Variants in DMD observed in about 807,000 individuals in gnomAD.
The protein encoded by DMD is mutant dystrophin.
A neutral mutation model predicts 330.1 loss-of-function variants in DMD; 63 were observed. That is an observed-to-expected ratio of 0.19 (90% CI 0.16 to 0.24). DMD has a LOEUF of 0.24. DMD is among the 10% of genes least tolerant of loss of function. DMD has a pLI of 1.00. For missense variants in DMD, 3,344 were observed against 2,684.1 expected, an observed-to-expected ratio of 1.25 and a Z score of -5.43; for synonymous variants, 1,223 against 959.8, an observed-to-expected ratio of 1.27 and a Z score of -5.07.
Position 32,464,693 on chromosome X carries a change from T to A in DMD, c.3169A>T (p.Ile1057Leu). The change falls in exon 24 of 79, where the codon ATA becomes TTA. Residue 1057 changes from isoleucine to leucine, a missense_variant. Coordinates refer to ENST00000357033, the MANE Select transcript of DMD (RefSeq NM_004006.3). ...MNKLRKIQNH[I>L]QTLKKWMAEV... is the part of the protein sequence containing the mutation. ...GCCATCCATTTCTTCAGGGTTTGTA[T>A]GTGATTCTGAAACGAGACCCGTTAT... The A allele has an allele frequency of 8.4e-7, 1 of 1,187,999 alleles. No individual in the cohort carries two copies. The highest frequency in any genetic ancestry group is 1.1e-6 in the Non-Finnish European group (1 of 874,037).
At chrX:32,719,926 C>G (rs1302963585) in intron 7 of DMD, among the ~76,000 whole-genome samples, 1 of 109,505 alleles carries the variant, frequency 9.1e-6, no homozygotes, top group Non-Finnish European at 1.9e-5. Flanking sequence ...TGCACACGTG[C>G]ACACACATAC....
intron 61 of DMD, among the ~76,000 whole-genome samples, chrX:31,325,330 TGG>T (rs2056704359): frequency 9.2e-6 from 1 of 109,018 alleles, no homozygotes; most frequent in African/African-American, 3.4e-5. Context: ...CCAGGCGTGG[TGG>T]CTCACGCCTG....
chrX:33,106,905 G>A (rs1325337935), intron 1 of DMD, among the ~76,000 whole-genome samples: 6 of 112,273 alleles, frequency 5.3e-5, no homozygotes, highest in Admixed American at 3.8e-4. Context: ...TGTCATGCTA[G>A]GGCAGTTTTC....
At chrX:32,708,888 G>C (rs1188788626) in intron 7 of DMD, among the ~76,000 whole-genome samples, 2 of 111,285 alleles carry the variant, frequency 1.8e-5, no homozygotes, top group Non-Finnish European at 3.8e-5. Flanking sequence ...TTCAACAACT[G>C]ACAAAATAAC....
At position 32,698,464 on chromosome X, in the gene DMD, T is replaced by A. The variant is rs778408898; in HGVS notation, c.832-466A>T. On this transcript the variant is annotated intron_variant, in intron 8 of 78. Transcript: ENST00000357033. ...GAGCTCTCCACACATTCAGCAGAAATGTTGCTAAAGGTTTCTTCACTGTTG... is the reference window on the plus strand; with the variant it reads ...GAGCTCTCCACACATTCAGCAGAAAAGTTGCTAAAGGTTTCTTCACTGTTG... 1.1e-3 allele frequency among the ~76,000 whole-genome samples: 118 copies of A among 111,784 alleles called. 1 individual carries two copies. Among genetic ancestry groups the A allele is most frequent in the African/African-American group, 3.6e-3 (111 of 30,783 alleles).
chrX:32,048,795 A>C (rs1056916925), intron 44 of DMD, among the ~76,000 whole-genome samples: 2 of 111,308 alleles, frequency 1.8e-5, no homozygotes, highest in African/African-American at 6.5e-5. Flanking sequence ...AAGAGCAAAA[A>C]TGAATGACTA....
intron 49 of DMD, among the ~76,000 whole-genome samples, chrX:31,831,412 T>C (rs1446511947): frequency 8.9e-6 from 1 of 112,243 alleles, no homozygotes; most frequent in Non-Finnish European, 1.9e-5. Context: ...TTGAATATAA[T>C]TAGACATTTG....
At chrX:32,631,255 G>T (rs766761757) in intron 11 of DMD, among the ~76,000 whole-genome samples, 1 of 111,555 alleles carries the variant, frequency 9.0e-6, no homozygotes, top group African/African-American at 3.3e-5. Context: ...TAGCTACCAC[G>T]ACTAGGATTG....
intron 13 of DMD, among the ~76,000 whole-genome samples, chrX:32,588,376 T>C (rs778162829): frequency 8.9e-6 from 1 of 111,969 alleles, no homozygotes; most frequent in Non-Finnish European, 1.9e-5. Flanking sequence ...TAGATGAAAT[T>C]ATCAAAGCAG....
chrX:32,589,701 A>T (rs1030588439), intron 13 of DMD, among the ~76,000 whole-genome samples: 36 of 111,564 alleles, frequency 3.2e-4, no homozygotes, highest in Non-Finnish European at 5.6e-5. Flanking sequence ...ATTTCGAACT[A>T]TAAACATGAG....
chrX:32,793,852 A>T (rs1353892771), intron 7 of DMD, among the ~76,000 whole-genome samples: 2 of 111,332 alleles, frequency 1.8e-5, no homozygotes, highest in African/African-American at 6.5e-5. Flanking sequence ...TAAGTGTTCC[A>T]AGAAAAATTG....
intron 1 of DMD, among the ~76,000 whole-genome samples, chrX:33,145,737 C>A (rs1248139251): frequency 9.2e-6 from 1 of 109,143 alleles, no homozygotes; most frequent in African/African-American, 3.3e-5. Context: ...CTGAAATATA[C>A]CGGTCTCTCA....
intron 52 of DMD, among the ~76,000 whole-genome samples, chrX:31,689,459 G>C (rs2082950328): frequency 9.0e-6 from 1 of 111,458 alleles, no homozygotes; most frequent in Non-Finnish European, 1.9e-5. Context: ...ACTGCTCAAG[G>C]AAATAAAAGA....
At chrX:32,069,925 A>G (rs2096284478) in intron 44 of DMD, among the ~76,000 whole-genome samples, 1 of 111,875 alleles carries the variant, frequency 8.9e-6, no homozygotes, top group Non-Finnish European at 1.9e-5. Flanking sequence ...CCCTAAATTG[A>G]CAAGGAGGAC....
At chrX:31,477,616 A>G in intron 59 of DMD, among the ~76,000 whole-genome samples, 1 of 111,265 alleles carries the variant, frequency 9.0e-6, no homozygotes, top group Non-Finnish European at 1.9e-5. Flanking sequence ...TTGAAACTGT[A>G]TTACAAATGT....
chrX:32,217,497 T>C (rs1482035825), intron 43 of DMD, among the ~76,000 whole-genome samples: 2 of 111,835 alleles, frequency 1.8e-5, no homozygotes, highest in Non-Finnish European at 3.8e-5. Flanking sequence ...TCATAAATTC[T>C]ATCACTTTCA....
intron 44 of DMD, among the ~76,000 whole-genome samples, chrX:32,005,675 G>T (rs976393848): frequency 3.6e-5 from 4 of 110,327 alleles, no homozygotes; most frequent in African/African-American, 9.9e-5. Flanking sequence ...AAAAAATAAA[G>T]AATATTACCA....
rs769156736 is a variant in DMD, at chrX:31,709,756, ATATTTC to A, written c.7660+19869_7660+19874del. Among the ~76,000 whole-genome samples, 17 of 111,112 alleles carry A rather than the reference ATATTTC, an allele frequency of 1.5e-4. No individual in the cohort carries two copies. In the Admixed American group the frequency reaches 1.5e-3, roughly 10 times the overall value. ...ATATTTCTTAAGAGTTCTAAATGGC[ATATTTC>A]TATTTCTATGTATACATATATGTTT... On this transcript the variant is annotated intron_variant, in intron 52 of 78. Coordinates refer to ENST00000357033, the MANE Select transcript of DMD (RefSeq NM_004006.3).
intron 20 of DMD, among the ~76,000 whole-genome samples, chrX:32,490,787 T>G (rs374125809): frequency 2.7e-4 from 30 of 112,074 alleles, no homozygotes; most frequent in African/African-American, 7.8e-4. Flanking sequence ...TTTAAAAATA[T>G]CTTTTTGTAA....
Sources: allele counts gnomAD v4.1 joint callset (sites outside exome capture counted in the v4.1 genomes callset), GRCh38; gene constraint gnomAD v4.1.1; transcripts MANE v1.5; gene names NCBI Gene and HGNC (gene_info 2026-07-23, HGNC 2026-07-21).